Variants in ZNF98 observed in about 807,000 individuals in gnomAD.
ZNF98 encodes the protein zinc finger protein 98.
A neutral mutation model predicts 12.8 loss-of-function variants in ZNF98; 8 were observed. The ratio of observed to expected loss-of-function variants is 0.63; its 90% CI spans 0.37 to 1.13. ZNF98 has a LOEUF of 1.13. ZNF98 is among the 50% of genes most tolerant of loss of function. ZNF98 has a pLI of 0.01. For missense variants in ZNF98, 379 were observed against 666.1 expected (o/e 0.57, Z 4.74); for synonymous variants, 112 against 223.5 (o/e 0.50, Z 4.45).
chr19:22,408,656 AT>A (rs1415296683), intron 1 of ZNF98, among the ~76,000 whole-genome samples: 35 of 152,236 alleles, frequency 2.3e-4, no homozygotes, highest in Admixed American at 2.1e-3. Flanking sequence ...ACAACAGACC[AT>A]CAGAGAGCCA....
chr19:22,407,865 T>A (rs895143944), intron 1 of ZNF98, among the ~76,000 whole-genome samples: 4 of 151,402 alleles, frequency 2.6e-5, no homozygotes, highest in African/African-American at 9.7e-5. Context: ...AGAACAGGAG[T>A]TCGAGACCAG....
chr19:22,411,257 A>C (rs1969577532), intron 1 of ZNF98, among the ~76,000 whole-genome samples: 1 of 152,110 alleles, frequency 6.6e-6, no homozygotes, highest in South Asian at 2.1e-4. Flanking sequence ...GGCTGGTCTC[A>C]AACTCCTGAC....
At chr19:22,419,991 A>G (rs1462742482) in intron 1 of ZNF98, among the ~76,000 whole-genome samples, 1 of 151,982 alleles carries the variant, frequency 6.6e-6, no homozygotes, top group African/African-American at 2.4e-5. Context: ...CCCTGTCTCC[A>G]CTAAAAATAC....
chr19:22,400,953 A>G (rs574863240), intron 3 of ZNF98, among the ~76,000 whole-genome samples: 3,630 of 114,018 alleles, frequency 0.032, 242 homozygotes, highest in African/African-American at 0.12. Context: ...ACACTGTCTC[A>G]AAAAACAAAA....
At chr19:22,417,822 C>T (rs10420380) in intron 1 of ZNF98, among the ~76,000 whole-genome samples, 65,352 of 151,812 alleles carry the variant, frequency 0.43, 14,264 homozygotes, top group Non-Finnish European at 0.46. Context: ...TGGGTATGCT[C>T]GTGAGTGAGA....
Position 22,397,118 on chromosome 19 carries a change from C to CAA in ZNF98, c.254-4139_254-4138dup, listed in dbSNP as rs371698742. On this transcript the variant is annotated intron_variant, in intron 3 of 3. Coordinates refer to ENST00000357774, the MANE Select transcript of ZNF98 (RefSeq NM_001098626.2). The stretch of plus-strand genomic sequence containing the variant: ...TGGGACACAGAGTGAGACTCTGTCT[C>CAA]AAAAAAAAACAACAAAAAAAAACCA... Among the ~76,000 whole-genome samples the CAA allele has an allele frequency of 3.1e-3, 406 of 129,076 alleles. 1 individual carries two copies. Among genetic ancestry groups the CAA allele is most frequent in the East Asian group, 0.022 (82 of 3,802 alleles). The allele number at this position is 129,076 out of a possible 152,430, so 84.7% of individuals were successfully genotyped here. A position where few individuals can be genotyped will look rare whatever the true frequency, so the allele number is the denominator to read the frequency against.
chr19:22,405,563 T>C (rs1168719003), intron 1 of ZNF98, among the ~76,000 whole-genome samples: 1 of 152,130 alleles, frequency 6.6e-6, no homozygotes, highest in Non-Finnish European at 1.5e-5. Flanking sequence ...AAAACCATGC[T>C]TTTTCCATGG....
Position 22,402,183 on chromosome 19 carries a change from AAAAAAAAAAAAAG to A in ZNF98, c.253+593_253+605del, listed in dbSNP as rs1969466550. Among the ~76,000 whole-genome samples, 4 of 150,238 alleles carry A rather than the reference AAAAAAAAAAAAAG, an allele frequency of 2.7e-5. No homozygotes were observed. In the South Asian group the frequency reaches 8.4e-4, roughly 31 times the overall value. ...AGAGCAAGACTCCATCTCAAAAAAA[AAAAAAAAAAAAAG>A]AAAGAGAAAAAGAAAATACAATTCT... On this transcript the variant is annotated intron_variant, in intron 3 of 3. Transcript: ENST00000357774.
chr19:22,418,400 AG>A (rs1250425916), intron 1 of ZNF98, among the ~76,000 whole-genome samples: 1 of 152,246 alleles, frequency 6.6e-6, no homozygotes, highest in Non-Finnish European at 1.5e-5. Flanking sequence ...AAATGGGGAA[AG>A]ATGAAGCACA....
chr19:22,398,185 T>C (rs181906624), intron 3 of ZNF98, among the ~76,000 whole-genome samples: 2,312 of 151,996 alleles, frequency 0.015, 30 homozygotes, highest in African/African-American at 0.052. Context: ...TTATGCAAAA[T>C]AAAATGAGCC....
chr19:22,401,210 AC>A lies in ZNF98; in HGVS notation c.253+1578del, dbSNP rs536491128. Among the ~76,000 whole-genome samples, 309 of 152,030 alleles carry A rather than the reference AC, an allele frequency of 2.0e-3. 2 individuals are homozygous for A. Among genetic ancestry groups the A allele is most frequent in the Non-Finnish European group, 2.5e-3 (172 of 67,974 alleles). On this transcript the variant is annotated intron_variant, in intron 3 of 3. Coordinates refer to ENST00000357774, the MANE Select transcript of ZNF98 (RefSeq NM_001098626.2). ...TTGTATATAGAAAACCATAAACAGT[AC>A]ATTTAAAACCTAATTAAAGTAATAA... is the stretch of plus-strand genomic sequence containing the variant.
intron 1 of ZNF98, among the ~76,000 whole-genome samples, chr19:22,419,461 C>T (rs1320453194): frequency 6.6e-6 from 1 of 152,076 alleles, no homozygotes; most frequent in African/African-American, 2.4e-5. Flanking sequence ...CCGTTAATAA[C>T]CTTCTTTTGT....
intron 3 of ZNF98, among the ~76,000 whole-genome samples, chr19:22,396,264 A>C (rs1329456381): frequency 3.3e-5 from 5 of 152,168 alleles, no homozygotes; most frequent in Admixed American, 3.3e-4. Context: ...ATTTCAGGGC[A>C]GATGTAATGA....
At chr19:22,397,212 T>TTTTTGTGTGTGTG (rs368992859) in intron 3 of ZNF98, among the ~76,000 whole-genome samples, 1 of 145,220 alleles carries the variant, frequency 6.9e-6, no homozygotes, top group African/African-American at 2.6e-5. Flanking sequence ...GTGTGTGTTT[T>TTTTTGTGTGTGTG]TGTGTGTGTG....
intron 1 of ZNF98, among the ~76,000 whole-genome samples, chr19:22,411,186 G>C (rs1229866088): frequency 6.6e-6 from 1 of 152,008 alleles, no homozygotes; most frequent in Non-Finnish European, 1.5e-5. Context: ...GGAACTACAG[G>C]CATGCGCCAC....
rs1417122173 is a variant in ZNF98, at chr19:22,402,847, C to T, written c.195G>A (p.Leu65=). Residue 65 remains leucine, a synonymous_variant, in exon 3 of 4, where the codon CTG becomes CTA. Coordinates refer to ENST00000357774, the MANE Select transcript of ZNF98 (RefSeq NM_001098626.2). The part of the protein sequence containing the change: ...AASKPDLITC[L]EQGKEPWNVK... The stretch of plus-strand genomic sequence containing the variant: ...CATTCCAAGGTTCTTTTCCTTGCTC[C>T]AGACAGGTGATCAGGTCTGGCTTAG... 3.1e-6 allele frequency: 5 copies of T among 1,591,456 alleles called. No individual in the cohort carries two copies. The Admixed American group carries it at 9.5e-5, about 30-fold the overall frequency.
chr19:22,413,635 C>G (rs1969604384), intron 1 of ZNF98, among the ~76,000 whole-genome samples: 1 of 151,828 alleles, frequency 6.6e-6, no homozygotes, highest in African/African-American at 2.4e-5. Context: ...CTTTGGGAGG[C>G]CGAGACAGGC....
intron 1 of ZNF98, among the ~76,000 whole-genome samples, chr19:22,415,505 G>C (rs1194973822): frequency 6.6e-6 from 1 of 151,868 alleles, no homozygotes; most frequent in Admixed American, 6.6e-5. Flanking sequence ...GGCCATGATG[G>C]CTCACACCTG....
chr19:22,404,019 G>A (rs1969491020), intron 1 of ZNF98, among the ~76,000 whole-genome samples: 1 of 152,244 alleles, frequency 6.6e-6, no homozygotes, highest in Non-Finnish European at 1.5e-5. Context: ...AGGAGACCGA[G>A]ACTATCCTGG....
Sources: allele counts gnomAD v4.1 joint callset (sites outside exome capture counted in the v4.1 genomes callset), GRCh38; gene constraint gnomAD v4.1.1; transcripts MANE v1.5; gene names NCBI Gene and HGNC (gene_info 2026-07-23, HGNC 2026-07-21).